Variants in PHACTR4 observed in about 807,000 individuals in gnomAD.
PHACTR4 encodes the protein phosphatase and actin regulator 4.
Under a neutral mutation model 72.7 loss-of-function variants are expected in PHACTR4, and 51 were observed. That is an observed-to-expected ratio of 0.70 (90% CI 0.56 to 0.89). The LOEUF (loss-of-function observed/expected upper bound fraction) is 0.89. Ranked by LOEUF, PHACTR4 falls within the 40% of genes least tolerant of loss-of-function variation. The pLI, the probability that PHACTR4 is intolerant of heterozygous loss-of-function variation, is 0.00. For synonymous variants in PHACTR4, 255 were observed against 302.5 expected, an observed-to-expected ratio of 0.84 and a Z score of 1.63; for missense variants, 731 against 861.8, an observed-to-expected ratio of 0.85 and a Z score of 1.90.
chr1:28,430,118 G>C (rs948983346), intron 2 of PHACTR4, among the ~76,000 whole-genome samples: 1 of 151,980 alleles, frequency 6.6e-6, no homozygotes, highest in Non-Finnish European at 1.5e-5. Context: ...CGTCTCCCGG[G>C]TTCACGCCAT....
intron 4 of PHACTR4, among the ~76,000 whole-genome samples, chr1:28,464,196 C>A (rs766284730): frequency 3.9e-5 from 6 of 151,938 alleles, no homozygotes; most frequent in Non-Finnish European, 8.8e-5. Context: ...AAACTCCTGA[C>A]CTCAGATGAT....
intron 1 of PHACTR4, among the ~76,000 whole-genome samples, chr1:28,396,521 ACT>A (rs1469599804): frequency 4.6e-5 from 7 of 151,200 alleles, no homozygotes; most frequent in African/African-American, 9.7e-5. Context: ...ACAAAGCGAA[ACT>A]CTGTCTCAAA....
At chr1:28,457,280 C>G in intron 2 of PHACTR4, 1 of 444,478 alleles carries the variant, frequency 2.2e-6, no homozygotes. Context: ...TATATTTTCT[C>G]TTTTGAAAAT....
chr1:28,455,681 C>T (rs1658338591), intron 2 of PHACTR4, among the ~76,000 whole-genome samples: 1 of 152,134 alleles, frequency 6.6e-6, no homozygotes, highest in African/African-American at 2.4e-5. Flanking sequence ...GTCCTACCTC[C>T]TGGAGATTCT....
chr1:28,468,162 G>A (rs1659328503), intron 6 of PHACTR4, among the ~76,000 whole-genome samples: 1 of 152,204 alleles, frequency 6.6e-6, no homozygotes, highest in Non-Finnish European at 1.5e-5. Flanking sequence ...TGGATGGATA[G>A]TGTCATGTTG....
rs765271793 is a variant in PHACTR4 at position 28,414,427 on chromosome 1, C to CAAAA, written c.16+6983_16+6986dup. 7.0e-3 allele frequency among the ~76,000 whole-genome samples: 430 copies of CAAAA among 61,164 alleles called. 1 individual carries two copies. Among genetic ancestry groups the CAAAA allele is most frequent in the African/African-American group, 0.014 (286 of 20,128 alleles). The allele number at this position is 61,164 out of a possible 152,430, so 40.1% of individuals were successfully genotyped here. A position where few individuals can be genotyped will look rare whatever the true frequency, so the allele number is the denominator to read the frequency against. ...TTTTGGGGTCAGTCTTCCTCTGTCT[C>CAAAA]AAAAAAAAAAAAAAAAAAAAAAGCA... On this transcript the variant is annotated intron_variant, in intron 2 of 13. Transcript: ENST00000373839.
chr1:28,475,130 T>C (rs1247629134), intron 7 of PHACTR4, among the ~76,000 whole-genome samples: 1 of 151,726 alleles, frequency 6.6e-6, no homozygotes, highest in Non-Finnish European at 1.5e-5. Flanking sequence ...TTATATTTTT[T>C]GTTAGAGATG....
intron 2 of PHACTR4, among the ~76,000 whole-genome samples, chr1:28,455,488 T>C (rs577148211): frequency 1.4e-3 from 213 of 152,228 alleles, no homozygotes; most frequent in African/African-American, 5.0e-3. Context: ...TGAGTCACCA[T>C]GCCTGGCCCC....
intron 1 of PHACTR4, 34 bp downstream of exon 1, chr1:28,369,859 C>CGCGCTCAGTATCAGGCT (rs1044146435): frequency 2.3e-5 from 10 of 439,296 alleles, no homozygotes; most frequent in African/African-American, 6.2e-5. Context: ...GTGAGCAGGA[C>CGCGCTCAGTATCAGGCT]GCGCTCAGTA....
At chr1:28,380,307 C>T (rs186905906) in intron 1 of PHACTR4, among the ~76,000 whole-genome samples, 7 of 151,978 alleles carry the variant, frequency 4.6e-5, no homozygotes, top group African/African-American at 7.2e-5. Context: ...CCGCCCGCCT[C>T]GGCCTCCCAA....
At chr1:28,370,568 A>G (rs1651159263) in intron 1 of PHACTR4, among the ~76,000 whole-genome samples, 1 of 148,932 alleles carries the variant, frequency 6.7e-6, no homozygotes, top group Non-Finnish European at 1.5e-5. Flanking sequence ...GCACCTCCCA[A>G]ATCTCGGAGG....
chr1:28,394,373 GAAA>G, intron 1 of PHACTR4, among the ~76,000 whole-genome samples: 1 of 151,416 alleles, frequency 6.6e-6, no homozygotes, highest in African/African-American at 2.4e-5. Context: ...AAGAAAAAAA[GAAA>G]AAAAAGAAAA....
intron 4 of PHACTR4, 22 bp downstream of exon 4, chr1:28,460,314 A>C: frequency 1.3e-6 from 2 of 1,535,426 alleles, no homozygotes; most frequent in Non-Finnish European, 1.8e-6. Flanking sequence ...AATAAATAGC[A>C]TATGCCTGTC....
At chr1:28,486,317 C>G (rs1044468671) in intron 9 of PHACTR4, among the ~76,000 whole-genome samples, 3 of 152,034 alleles carry the variant, frequency 2.0e-5, no homozygotes, top group Non-Finnish European at 4.4e-5. Context: ...GATCGGGCCA[C>G]TGCACTCCAG....
intron 2 of PHACTR4, among the ~76,000 whole-genome samples, chr1:28,410,264 C>G (rs1654690686): frequency 7.7e-6 from 1 of 129,844 alleles, no homozygotes; most frequent in South Asian, 2.8e-4. Context: ...CCGTGCCCAG[C>G]CACTTATTCC....
chr1:28,484,944 C>A (rs1244329546), intron 9 of PHACTR4, among the ~76,000 whole-genome samples: 2 of 151,936 alleles, frequency 1.3e-5, no homozygotes, highest in African/African-American at 2.4e-5. Flanking sequence ...CCAGCCTGGG[C>A]AACAAGAGCA....
chr1:28,492,977 C>A (rs747692068), intron 12 of PHACTR4, 38 bp from the exon 13 acceptor site: 1 of 1,541,800 alleles, frequency 6.5e-7, no homozygotes, highest in Admixed American at 1.7e-5. Flanking sequence ...TGCAAAGCAG[C>A]CAGAAGAAGC....
At chr1:28,410,084 A>AT (rs1654673000) in intron 2 of PHACTR4, among the ~76,000 whole-genome samples, 1 of 89,154 alleles carries the variant, frequency 1.1e-5, no homozygotes, top group Admixed American at 1.6e-4. Flanking sequence ...CTCCTGCCTC[A>AT]GCTTCCCGAG....
chr1:28,485,230 T>TA (rs1660557123), intron 9 of PHACTR4, among the ~76,000 whole-genome samples: 1 of 152,106 alleles, frequency 6.6e-6, no homozygotes, highest in Non-Finnish European at 1.5e-5. Context: ...AATAAATAAG[T>TA]ATAAAGTTTT....
Sources: gnomAD v4.1 joint callset for allele counts (sites outside exome capture counted in the v4.1 genomes callset) on GRCh38, gnomAD v4.1.1 for gene constraint, MANE v1.5 for transcripts, NCBI Gene and HGNC (gene_info 2026-07-23, HGNC 2026-07-21) for gene names.